The following TRIM3 variants were observed in gnomAD, a reference collection of about 807,000 sequenced individuals.
TRIM3 encodes the protein tripartite motif-containing protein 3.
A neutral mutation model predicts 66.6 loss-of-function variants in TRIM3; 13 were observed. The ratio of observed to expected loss-of-function variants is 0.20; its 90% CI spans 0.13 to 0.31. The LOEUF (loss-of-function observed/expected upper bound fraction) is 0.31, where lower values mean the gene tolerates loss of function less well. Among genes scored for constraint, TRIM3 ranks in the 10% least tolerant of loss-of-function variants. The pLI is 1.00. For missense variants in TRIM3, 711 were observed against 1,020.4 expected (o/e 0.70, Z 4.13); for synonymous variants, 406 against 411.7 (o/e 0.99, Z 0.17).
chr11:6,458,385 C>A lies in TRIM3; in HGVS notation c.132-89G>T, dbSNP rs1850086651. On this transcript the variant is annotated intron_variant, in intron 2 of 11. Transcript: ENST00000345851. The surrounding 1 kb of genome is among the most constrained non-coding windows in gnomAD (Gnocchi z 6.2). The stretch of plus-strand genomic sequence containing the variant: ...ACTTCCCATGGGTGCCAACCCCTTC[C>A]CTCACAGGTGTGCCATTACACTTCA... 3.0e-5 allele frequency: 32 copies of A among 1,051,138 alleles called. No individual in the cohort carries two copies. Among genetic ancestry groups the A allele is most frequent in the Non-Finnish European group, 4.4e-5 (31 of 707,422 alleles). The allele number at this position is 1,051,138 out of a possible 1,614,324, so 65.1% of individuals were successfully genotyped here. A position where few individuals can be genotyped will look rare whatever the true frequency, so the allele number is the denominator to read the frequency against.
intron 1 of TRIM3, among the ~76,000 whole-genome samples, chr11:6,470,705 G>A (rs1303117585): frequency 6.6e-6 from 1 of 152,214 alleles, no homozygotes; most frequent in Non-Finnish European, 1.5e-5. Context: ...GTGGATGTTG[G>A]TGCAGAGATG....
intron 2 of TRIM3, among the ~76,000 whole-genome samples, chr11:6,461,478 C>G (rs1468603098): frequency 1.4e-5 from 2 of 146,730 alleles, no homozygotes; most frequent in Non-Finnish European, 3.0e-5. Context: ...CTTCCATTAC[C>G]CCCCGCACCA....
chr11:6,474,372 C>G (rs1241934860), upstream of TRIM3: 1 of 152,224 alleles, frequency 6.6e-6, no homozygotes, highest in Non-Finnish European at 1.5e-5. Flanking sequence ...GCTAGTCTAT[C>G]GGCTGACCAG....
At chr11:6,465,944 T>C (rs73400831) in intron 1 of TRIM3, among the ~76,000 whole-genome samples, 264 of 152,362 alleles carry the variant, frequency 1.7e-3, no homozygotes, top group African/African-American at 6.3e-3. Flanking sequence ...GTTTCAAACC[T>C]GGCTCAGTCT....
chr11:6,461,999 C>T (rs75322667), intron 2 of TRIM3, among the ~76,000 whole-genome samples: 1,933 of 152,258 alleles, frequency 0.013, 39 homozygotes, highest in African/African-American at 0.044. Context: ...CTCACTTGGC[C>T]ACACTGGTTT....
chr11:6,462,415 T>A (rs1313047535), intron 2 of TRIM3, among the ~76,000 whole-genome samples: 1 of 152,076 alleles, frequency 6.6e-6, no homozygotes, highest in Non-Finnish European at 1.5e-5. Flanking sequence ...TTTTATTTGT[T>A]TATTTAATTT....
rs1350229905 is a variant in TRIM3, at chr11:6,449,597, G to C, written c.1942-151C>G. The C allele has an allele frequency of 3.1e-6, 2 of 652,192 alleles. No homozygotes were observed. The highest frequency in any genetic ancestry group is 5.2e-6 in the Non-Finnish European group (2 of 384,042). 40.4% of individuals were successfully genotyped at this position (652,192 alleles called of 1,614,324 possible). A position where few individuals can be genotyped will look rare whatever the true frequency, so the allele number is the denominator to read the frequency against. ...TGCTTCATAGGCTTCACATCCATGT[G>C]CCCTACTGCCTAGTAGACATCTCTT... is the stretch of plus-strand genomic sequence containing the variant. On this transcript the variant is annotated intron_variant, in intron 10 of 11. Coordinates refer to ENST00000345851, the MANE Select transcript of TRIM3 (RefSeq NM_033278.4). The surrounding 1 kb of genome is among the most constrained non-coding windows in gnomAD (Gnocchi z 5.3).
intron 1 of TRIM3, among the ~76,000 whole-genome samples, chr11:6,468,701 A>C (rs1850565562): frequency 6.6e-6 from 1 of 152,240 alleles, no homozygotes; most frequent in African/African-American, 2.4e-5. Context: ...TGGGAGATGA[A>C]GTTAACACAG....
chr11:6,462,841 G>A (rs996254831), intron 2 of TRIM3, among the ~76,000 whole-genome samples: 2 of 151,888 alleles, frequency 1.3e-5, no homozygotes, highest in South Asian at 2.1e-4. Flanking sequence ...AGGATCACTT[G>A]AGCCCAGGAG....
chr11:6,458,375 C>A lies in TRIM3; in HGVS notation c.132-79G>T. Reference sequence around the variant, plus strand: ...CCTTCCTTATACTTCCCATGGGTGCCAACCCCTTCCCTCACAGGTGTGCCA... The same window carrying A: ...CCTTCCTTATACTTCCCATGGGTGCAAACCCCTTCCCTCACAGGTGTGCCA... On this transcript the variant is annotated intron_variant, in intron 2 of 11. Transcript: ENST00000345851. This position sits in a 1 kb window ranked among gnomAD's most constrained non-coding sequence, Gnocchi z 6.2. The A allele has an allele frequency of 8.7e-7, 1 of 1,150,452 alleles. No individual in the cohort carries two copies. Among genetic ancestry groups the A allele is most frequent in the African/African-American group, 1.5e-5 (1 of 65,674 alleles). 71.3% of individuals were successfully genotyped at this position (1,150,452 alleles called of 1,614,324 possible).
intron 1 of TRIM3, among the ~76,000 whole-genome samples, chr11:6,470,070 G>A (rs1850620924): frequency 6.6e-6 from 1 of 152,210 alleles, no homozygotes; most frequent in Non-Finnish European, 1.5e-5. Context: ...GGGGATGAAG[G>A]ATTTATCCAA....
chr11:6,456,614 C>A lies in TRIM3; in HGVS notation c.1112G>T (p.Gly371Val). 6.2e-7 allele frequency: 1 copy of A among 1,612,804 alleles called. No individual in the cohort carries two copies. Among genetic ancestry groups the A allele is most frequent in the South Asian group, 1.1e-5 (1 of 91,064 alleles). The change falls in exon 6 of 12, where the codon GGC becomes GTC. Residue 371 changes from glycine (G) to valine (V), a missense_variant. This residue lies in a region of TRIM3 where 399 missense variants were observed against 458.1 expected (regional missense o/e 0.87). Transcript: ENST00000345851. This position sits in a 1 kb window ranked among gnomAD's most constrained non-coding sequence, Gnocchi z 6.4. ...ELRAEITGPDGTRLPVPVVDH... is the reference protein window; with the variant it reads ...ELRAEITGPDVTRLPVPVVDH... ...CACCACTGGCACCGGAAGGCGCGTG[C>A]CGTCCGGGCCGGTGATCTCTGCACG...
chr11:6,450,757 T>C lies in TRIM3; in HGVS notation c.1870+135A>G. On this transcript the variant is annotated intron_variant, in intron 9 of 11. Transcript: ENST00000345851. This position sits in a 1 kb window ranked among gnomAD's most constrained non-coding sequence, Gnocchi z 4.8. ...GGACTGAGACAAATTATTTCTGAGA[T>C]GATAGGGCTAACGTAAGGGAAGTGG... The C allele has an allele frequency of 7.0e-7, 1 of 1,436,064 alleles. No individual in the cohort carries two copies. Among genetic ancestry groups the C allele is most frequent in the African/African-American group, 1.4e-5 (1 of 71,366 alleles). 89.0% of individuals were successfully genotyped at this position (1,436,064 alleles called of 1,614,324 possible).
intron 2 of TRIM3, among the ~76,000 whole-genome samples, chr11:6,461,517 A>G (rs982799536): frequency 6.9e-5 from 9 of 129,600 alleles, no homozygotes; most frequent in Admixed American, 5.5e-4. Context: ...TGGCACTAAC[A>G]TCCATCCCCC....
rs1164368401 is a variant in TRIM3, at chr11:6,449,982, C to T, written c.1942-536G>A. On this transcript the variant is annotated intron_variant, in intron 10 of 11. Coordinates refer to ENST00000345851, the MANE Select transcript of TRIM3 (RefSeq NM_033278.4). This position sits in a 1 kb window ranked among gnomAD's most constrained non-coding sequence, Gnocchi z 5.3. ...CCCCTGCCTGCAATCCTGTGACTCC[C>T]CATAGCTCTTGGGAGGAGAGCAAGC... is the stretch of plus-strand genomic sequence containing the variant. 6.3e-6 allele frequency: 1 copy of T among 159,550 alleles called. No individual in the cohort carries two copies. Among genetic ancestry groups the T allele is most frequent in the African/African-American group, 2.4e-5 (1 of 41,540 alleles). 9.9% of individuals were successfully genotyped at this position (159,550 alleles called of 1,614,324 possible).
At chr11:6,464,289 C>T (rs1404717517) in intron 2 of TRIM3, among the ~76,000 whole-genome samples, 1 of 152,140 alleles carries the variant, frequency 6.6e-6, no homozygotes, top group African/African-American at 2.4e-5. Context: ...TTCCTCCAGG[C>T]CTCTTACCTG....
At position 6,450,885 on chromosome 11, in the gene TRIM3, C is replaced by A. The variant is rs770574395; in HGVS notation, c.1870+7G>T. The A allele has an allele frequency of 1.9e-5, 30 of 1,614,082 alleles. No homozygotes were observed. The highest frequency in any genetic ancestry group is 2.5e-5 in the Non-Finnish European group (29 of 1,179,996). On this transcript the variant is annotated splice_region_variant and intron_variant, in intron 9 of 11. Coordinates refer to ENST00000345851, the MANE Select transcript of TRIM3 (RefSeq NM_033278.4). The surrounding 1 kb of genome is among the most constrained non-coding windows in gnomAD (Gnocchi z 4.8). Reference sequence around the variant, plus strand: ...TCAGCATAGATCTTGGAGCTGTCCCCCTATACCTGCAAAGTGGCGGTCAGT... The same window carrying A: ...TCAGCATAGATCTTGGAGCTGTCCCACTATACCTGCAAAGTGGCGGTCAGT...
chr11:6,450,775 G>A lies in TRIM3; in HGVS notation c.1870+117C>T. Reference sequence around the variant, plus strand: ...TCTGAGATGATAGGGCTAACGTAAGGGAAGTGGGATCTCCAGAGCCAAGAT... The same window carrying A: ...TCTGAGATGATAGGGCTAACGTAAGAGAAGTGGGATCTCCAGAGCCAAGAT... On this transcript the variant is annotated intron_variant, in intron 9 of 11. Transcript: ENST00000345851. The surrounding 1 kb of genome is among the most constrained non-coding windows in gnomAD (Gnocchi z 4.8). 6.8e-6 allele frequency: 10 copies of A among 1,477,380 alleles called. No homozygotes were observed. Among genetic ancestry groups the A allele is most frequent in the Non-Finnish European group, 8.4e-6 (9 of 1,071,044 alleles). The allele number at this position is 1,477,380 out of a possible 1,614,324, so 91.5% of individuals were successfully genotyped here.
rs1295865512 is a variant in TRIM3, at chr11:6,473,921, G to T, written c.-168C>A. ...CTCCGCCTGTCCCCGCGCCGGCGCC[G>T]CCGCCGGACTAGCCGCACAGGCCGG... is the stretch of plus-strand genomic sequence containing the variant. On this transcript the variant is annotated 5_prime_UTR_variant, in exon 1 of 12. Transcript: ENST00000345851. The T allele has an allele frequency of 6.6e-6, 1 of 151,922 alleles. No individual in the cohort carries two copies. The highest frequency in any genetic ancestry group is 1.5e-5 in the Non-Finnish European group (1 of 68,046). 9.4% of individuals were successfully genotyped at this position (151,922 alleles called of 1,614,324 possible). A position where few individuals can be genotyped will look rare whatever the true frequency, so the allele number is the denominator to read the frequency against.
Sources: gnomAD v4.1 joint callset for allele counts (sites outside exome capture counted in the v4.1 genomes callset) on GRCh38, gnomAD v4.1.1 for gene constraint, gnomAD v4.1.1 regional missense constraint, Gnocchi (gnomAD v3.1) non-coding constraint, MANE v1.5 for transcripts, NCBI Gene and HGNC (gene_info 2026-07-23, HGNC 2026-07-21) for gene names.